The following NPSR1 variants were observed in gnomAD, a reference collection of about 807,000 sequenced individuals.
NPSR1 encodes neuropeptide S receptor 1.
NPSR1 carries 48 observed loss-of-function variants against 46.9 expected under a neutral mutation model. That is an observed-to-expected ratio of 1.02 (90% confidence interval 0.81 to 1.30). The LOEUF (loss-of-function observed/expected upper bound fraction) is 1.30. NPSR1 is among the 50% of genes most tolerant of loss of function. The pLI is 0.00. For missense variants in NPSR1, 450 were observed against 449.5 expected (o/e 1.00, Z -0.01); for synonymous variants, 176 against 168.1 (o/e 1.05, Z -0.36).
At chr7:34,694,693 G>T (rs368257510) in intron 2 of NPSR1, among the ~76,000 whole-genome samples, 6 of 152,236 alleles carry the variant, frequency 3.9e-5, no homozygotes, top group Admixed American at 6.5e-5. Context: ...AATTTTAAAA[G>T]ACCCTGAATA....
chr7:34,840,072 A>G (rs1790510287), intron 6 of NPSR1, among the ~76,000 whole-genome samples: 1 of 152,048 alleles, frequency 6.6e-6, no homozygotes, highest in Non-Finnish European at 1.5e-5. Context: ...AGAAAGGGCT[A>G]TCTGGTGGGT....
downstream of NPSR1, among the ~76,000 whole-genome samples, chr7:34,853,421 G>A (rs116852731): frequency 1.7e-3 from 264 of 152,290 alleles, no homozygotes; most frequent in Non-Finnish European, 3.1e-3. Flanking sequence ...ATTGAAGGGA[G>A]AAGGCCGTAA....
At chr7:34,792,936 C>T (rs1216956978) in intron 3 of NPSR1, among the ~76,000 whole-genome samples, 2 of 150,112 alleles carry the variant, frequency 1.3e-5, no homozygotes, top group African/African-American at 4.9e-5. Context: ...GCTTATAATA[C>T]CAGCACCTTG....
intron 2 of NPSR1, among the ~76,000 whole-genome samples, chr7:34,772,432 T>G (rs1490392790): frequency 6.6e-6 from 1 of 152,214 alleles, no homozygotes; most frequent in African/African-American, 2.4e-5. Flanking sequence ...AGCAGAGTTC[T>G]GCCCAGTTCT....
intron 3 of NPSR1, among the ~76,000 whole-genome samples, chr7:34,780,294 C>T (rs779875002): frequency 3.9e-5 from 6 of 152,084 alleles, no homozygotes; most frequent in Non-Finnish European, 8.8e-5. Context: ...CATATTTTTC[C>T]AAAGCATTTG....
chr7:34,707,494 T>C (rs898756491), intron 2 of NPSR1, among the ~76,000 whole-genome samples: 2 of 152,218 alleles, frequency 1.3e-5, no homozygotes, highest in African/African-American at 4.8e-5. Flanking sequence ...CACAGTCAAC[T>C]TAGGACAATT....
chr7:34,855,804 G>A (rs1459986523), intron 8 of NPSR1, among the ~76,000 whole-genome samples: 1 of 151,998 alleles, frequency 6.6e-6, no homozygotes, highest in African/African-American at 2.4e-5. Flanking sequence ...AATATAACAA[G>A]GCTAACATAT....
rs1206827479 is a variant in NPSR1 at position 34,791,037 on chromosome 7, TTATATTATA to T, written c.384+12476_384+12484del. 3.4e-5 allele frequency among the ~76,000 whole-genome samples: 4 copies of T among 118,890 alleles called. 1 individual carries two copies. In the East Asian group the frequency reaches 8.6e-4, roughly 25 times the overall value. The allele number at this position is 118,890 out of a possible 152,430, so 78.0% of individuals were successfully genotyped here. Reference sequence around the variant, plus strand: ...TATTATATATGTTATATGTTATATATTATATTATATATGTTATATGTTATATATTATATT... The same window carrying T: ...TATTATATATGTTATATGTTATATATTATGTTATATGTTATATATTATATT... On this transcript the variant is annotated intron_variant, in intron 3 of 8. Coordinates refer to ENST00000360581, the MANE Select transcript of NPSR1 (RefSeq NM_207172.2).
intron 1 of NPSR1, among the ~76,000 whole-genome samples, chr7:34,664,158 C>T (rs911332795): frequency 6.6e-6 from 1 of 152,202 alleles, no homozygotes; most frequent in African/African-American, 2.4e-5. Flanking sequence ...TTTGAGCTTT[C>T]TCCATCATTT....
At chr7:34,716,014 AC>A (rs985149760) in intron 2 of NPSR1, among the ~76,000 whole-genome samples, 6 of 152,004 alleles carry the variant, frequency 3.9e-5, no homozygotes, top group African/African-American at 1.4e-4. Context: ...AAGGATAAAA[AC>A]CTTGGGGAAA....
chr7:34,727,278 AG>A (rs1784204967), intron 2 of NPSR1, among the ~76,000 whole-genome samples: 1 of 152,208 alleles, frequency 6.6e-6, no homozygotes, highest in Non-Finnish European at 1.5e-5. Context: ...ACACATGTGC[AG>A]CCTTTTAAAA....
intron 8 of NPSR1, among the ~76,000 whole-genome samples, chr7:34,856,113 A>G (rs1791042687): frequency 6.6e-6 from 1 of 152,156 alleles, no homozygotes; most frequent in Non-Finnish European, 1.5e-5. Context: ...TGCCAGCATC[A>G]ACACTTCTGT....
At chr7:34,725,876 C>T (rs1194558237) in intron 2 of NPSR1, among the ~76,000 whole-genome samples, 1 of 152,130 alleles carries the variant, frequency 6.6e-6, no homozygotes, top group African/African-American at 2.4e-5. Flanking sequence ...GCAGTTTCCC[C>T]CATACTGTTT....
intron 1 of NPSR1, among the ~76,000 whole-genome samples, chr7:34,674,478 G>C (rs1184931168): frequency 6.6e-6 from 1 of 152,190 alleles, no homozygotes; most frequent in Non-Finnish European, 1.5e-5. Flanking sequence ...GTAGGCCTCA[G>C]AGCCTGGTGC....
At chr7:34,727,014 T>C (rs1282574953) in intron 2 of NPSR1, among the ~76,000 whole-genome samples, 2 of 152,052 alleles carry the variant, frequency 1.3e-5, no homozygotes, top group Non-Finnish European at 2.9e-5. Flanking sequence ...ACAATGGACT[T>C]TGGGTGATGA....
chr7:34,822,320 G>A (rs1562755473), intron 4 of NPSR1, among the ~76,000 whole-genome samples: 1 of 152,168 alleles, frequency 6.6e-6, no homozygotes, highest in Non-Finnish European at 1.5e-5. Context: ...AGAGTGGCAG[G>A]GCTCTCTGGG....
At chr7:34,828,013 G>A (rs560376142) in intron 5 of NPSR1, among the ~76,000 whole-genome samples, 41 of 152,040 alleles carry the variant, frequency 2.7e-4, no homozygotes, top group Admixed American at 5.9e-4. Flanking sequence ...TTTATATCTC[G>A]CAGCCTTCCA....
At chr7:34,676,567 G>A (rs1172511222) in intron 1 of NPSR1, among the ~76,000 whole-genome samples, 1 of 151,978 alleles carries the variant, frequency 6.6e-6, no homozygotes, top group African/African-American at 2.4e-5. Flanking sequence ...ATACGGCTGC[G>A]AATAAAGGAG....
At chr7:34,729,428 A>G (rs1357405671) in intron 2 of NPSR1, among the ~76,000 whole-genome samples, 1 of 152,212 alleles carries the variant, frequency 6.6e-6, no homozygotes, top group African/African-American at 2.4e-5. Flanking sequence ...ATGAACACAT[A>G]CAAAGAGTCT....
Sources: allele counts gnomAD v4.1 joint callset (sites outside exome capture counted in the v4.1 genomes callset), GRCh38; gene constraint gnomAD v4.1.1; transcripts MANE v1.5; gene names NCBI Gene and HGNC (gene_info 2026-07-23, HGNC 2026-07-21).